Variants in GARNL3 observed in about 807,000 individuals in gnomAD.
GARNL3 encodes the protein GTPase-activating Rap/Ran-GAP domain-like protein 3.
Under a neutral mutation model 125.0 loss-of-function variants are expected in GARNL3, and 63 were observed. The observed-to-expected ratio is 0.50, with a 90% CI of 0.41 to 0.62. The LOEUF (loss-of-function observed/expected upper bound fraction) is 0.62, where lower values mean the gene tolerates loss of function less well. GARNL3 is among the 20% of genes least tolerant of loss of function. The probability of loss-of-function intolerance (pLI) is 0.00; values close to 1 mark genes in which losing one functional copy is unlikely to be tolerated. For synonymous variants in GARNL3, 439 were observed against 457.5 expected (o/e 0.96, Z 0.52); for missense variants, 994 against 1,244.0 (o/e 0.80, Z 3.02).
intron 2 of GARNL3, among the ~76,000 whole-genome samples, chr9:127,291,896 C>G (rs371706422): frequency 2.6e-5 from 4 of 152,186 alleles, no homozygotes; most frequent in African/African-American, 9.6e-5. Context: ...GGCAAGGACC[C>G]CAGCCACCCT....
chr9:127,231,820 G>A (rs1230862326), intron 1 of GARNL3, among the ~76,000 whole-genome samples: 5 of 152,102 alleles, frequency 3.3e-5, no homozygotes, highest in Non-Finnish European at 5.9e-5. Flanking sequence ...ATAGGAGGAG[G>A]GCTTCTTAAA....
chr9:127,295,801 G>A (rs1193322937), intron 2 of GARNL3, among the ~76,000 whole-genome samples: 1 of 151,768 alleles, frequency 6.6e-6, no homozygotes, highest in Admixed American at 6.6e-5. Context: ...GACCAGTTTT[G>A]TGGAAGACAA....
At position 127,384,262 on chromosome 9, in the gene GARNL3, A is replaced by T. The variant is rs1832424457; in HGVS notation, c.2269+717A>T. On this transcript the variant is annotated intron_variant, in intron 23 of 27. Transcript: ENST00000373387. This position sits in a 1 kb window ranked among gnomAD's most constrained non-coding sequence, Gnocchi z 4.0. Reference sequence around the variant, plus strand: ...ACGTTGCTGGAGGGGCTTGAAAGTCATGGCTGGAGGCATAGATGTGGTAGG... The same window carrying T: ...ACGTTGCTGGAGGGGCTTGAAAGTCTTGGCTGGAGGCATAGATGTGGTAGG... Among the ~76,000 whole-genome samples, 1 of 152,150 alleles carries T rather than the reference A, an allele frequency of 6.6e-6. No homozygotes were observed. The highest frequency in any genetic ancestry group is 6.5e-5 in the Admixed American group (1 of 15,270).
intron 21 of GARNL3, among the ~76,000 whole-genome samples, chr9:127,358,776 C>T (rs920163386): frequency 1.3e-5 from 2 of 152,098 alleles, no homozygotes; most frequent in Admixed American, 6.5e-5. Context: ...GTTCCTCCTC[C>T]AGGGATTTCC....
chr9:127,225,247 C>T (rs978246904), intron 1 of GARNL3: 47 of 556,060 alleles, frequency 8.5e-5, no homozygotes, highest in Non-Finnish European at 9.8e-5. Flanking sequence ...GCGCGCGAGC[C>T]GAGCGGCCGG....
intron 2 of GARNL3, among the ~76,000 whole-genome samples, chr9:127,294,309 C>A (rs555161209): frequency 6.6e-6 from 1 of 151,912 alleles, no homozygotes; most frequent in Non-Finnish European, 1.5e-5. Context: ...TTTTTCCCAC[C>A]CCTCCCCCCG....
chr9:127,243,600 C>G (rs2063241030), intron 2 of GARNL3, among the ~76,000 whole-genome samples: 1 of 152,130 alleles, frequency 6.6e-6, no homozygotes, highest in African/African-American at 2.4e-5. Context: ...TGCCTTGATT[C>G]AATAAACATT....
chr9:127,334,850 A>G (rs939133002), intron 9 of GARNL3, among the ~76,000 whole-genome samples: 11 of 152,326 alleles, frequency 7.2e-5, no homozygotes, highest in African/African-American at 2.6e-4. Context: ...ATCACAAACA[A>G]TTCTGTCACA....
intron 1 of GARNL3, among the ~76,000 whole-genome samples, chr9:127,287,315 G>T (rs1484841158): frequency 6.6e-6 from 1 of 152,132 alleles, no homozygotes; most frequent in Admixed American, 6.5e-5. Context: ...GATAGAGATT[G>T]TGTCATTCCT....
intron 1 of GARNL3, among the ~76,000 whole-genome samples, chr9:127,276,147 A>T (rs1450272821): frequency 7.2e-4 from 106 of 146,380 alleles, no homozygotes; most frequent in African/African-American, 2.5e-3. Context: ...TTTTTTTAAC[A>T]TTTTGAATTG....
chr9:127,342,892 CTTTTTTTTTTTT>C (rs59554997), intron 14 of GARNL3, among the ~76,000 whole-genome samples: 2 of 81,604 alleles, frequency 2.5e-5, no homozygotes, highest in Non-Finnish European at 5.2e-5. Flanking sequence ...GTGCTCTTTT[CTTTTTTTTTTTT>C]TTTTTTTTTG....
At position 127,365,441 on chromosome 9, in the gene GARNL3, A is replaced by G. The variant is rs1831235537; in HGVS notation, c.2161+75A>G. ...TTTTTTTTCTGGGCAATTTAAAAAGATTGTCCTTAGATTTACCCAGTGTAT... is the reference window on the plus strand; with the variant it reads ...TTTTTTTTCTGGGCAATTTAAAAAGGTTGTCCTTAGATTTACCCAGTGTAT... On this transcript the variant is annotated intron_variant, in intron 22 of 27. Transcript: ENST00000373387. 3 of 1,185,324 alleles carry G rather than the reference A, an allele frequency of 2.5e-6. No homozygotes were observed. In the South Asian group the frequency reaches 3.8e-5, roughly 15 times the overall value. 73.4% of individuals were successfully genotyped at this position (1,185,324 alleles called of 1,614,324 possible).
chr9:127,320,773 CA>C lies in GARNL3; in HGVS notation c.566del (p.Lys189ArgfsTer13), dbSNP rs766769326. 2 of 1,597,206 alleles carry C rather than the reference CA, an allele frequency of 1.3e-6. No individual in the cohort carries two copies. Among genetic ancestry groups the C allele is most frequent in the South Asian group, 1.1e-5 (1 of 90,626 alleles). On this transcript the variant is annotated frameshift_variant, in exon 6 of 28. Transcript: ENST00000373387. LOFTEE classifies it high-confidence loss of function. ...CAGGGAAATTTTTCATCCTGAAATA[CA>C]AAAGGTAACAGAAAATTTTATGCTT... ...GPREIFHPEIQKDLLVLEEQE... is the reference protein window; with the variant it reads ...GPREIFHPEIXKDLLVLEEQE...
chr9:127,359,665 G>A (rs2131693673), intron 21 of GARNL3, among the ~76,000 whole-genome samples: 1 of 152,296 alleles, frequency 6.6e-6, no homozygotes, highest in South Asian at 2.1e-4. Context: ...TCATTTCAGA[G>A]AAACTTTCTG....
At chr9:127,269,797 T>TC (rs1477801042) in intron 1 of GARNL3, among the ~76,000 whole-genome samples, 1 of 150,920 alleles carries the variant, frequency 6.6e-6, no homozygotes, top group East Asian at 1.9e-4. Flanking sequence ...TTTTTTTTTT[T>TC]TTTTGCTGTC....
Position 127,321,838 on chromosome 9 carries a change from G to A in GARNL3, c.567+1060G>A, listed in dbSNP as rs181309324. Among the ~76,000 whole-genome samples the A allele has an allele frequency of 6.4e-3, 971 of 152,284 alleles. 4 individuals are homozygous for A. Among genetic ancestry groups the A allele is most frequent in the Non-Finnish European group, 8.4e-3 (569 of 68,034 alleles). ...AGGGAGCCAGTAGAACCTTTAAGCA[G>A]GGAGCATCGTGCTCAAATTTGCTTT... On this transcript the variant is annotated intron_variant, in intron 6 of 27. Coordinates refer to ENST00000373387, the MANE Select transcript of GARNL3 (RefSeq NM_032293.5).
intron 1 of GARNL3, among the ~76,000 whole-genome samples, chr9:127,274,906 C>A (rs1470966992): frequency 6.6e-6 from 1 of 152,124 alleles, no homozygotes; most frequent in Non-Finnish European, 1.5e-5. Context: ...TCTAAACACA[C>A]AGACTTTCTT....
At chr9:127,274,426 C>G (rs2063901151) in intron 1 of GARNL3, among the ~76,000 whole-genome samples, 1 of 152,170 alleles carries the variant, frequency 6.6e-6, no homozygotes, top group Non-Finnish European at 1.5e-5. Flanking sequence ...ACCTTGATAC[C>G]AGACATCAGC....
Position 127,388,952 on chromosome 9 carries a change from T to C in GARNL3, c.2576T>C (p.Val859Ala), listed in dbSNP as rs1218756437. The part of the protein sequence containing the change: ...NLYKIPLRNL[V>A]GRSIERPLKS... Reference sequence around the variant, plus strand: ...TACAAGATTCCACTTAGAAACCTCGTGGGCAGAAGCATCGAACGACCTCTG... The same window carrying C: ...TACAAGATTCCACTTAGAAACCTCGCGGGCAGAAGCATCGAACGACCTCTG... Residue 859 changes from valine to alanine, a missense_variant, in exon 26 of 28, where the codon GTG becomes GCG. Transcript: ENST00000373387. 4 of 1,613,670 alleles carry C rather than the reference T, an allele frequency of 2.5e-6. No homozygotes were observed. In the South Asian group the frequency reaches 3.3e-5, roughly 13 times the overall value.
Sources: gnomAD v4.1 joint callset for allele counts (sites outside exome capture counted in the v4.1 genomes callset) on GRCh38, gnomAD v4.1.1 for gene constraint, Gnocchi (gnomAD v3.1) non-coding constraint, MANE v1.5 for transcripts, NCBI Gene and HGNC (gene_info 2026-07-23, HGNC 2026-07-21) for gene names.